NOTCH2: variants seen among roughly 807,000 people sequenced by gnomAD.
NOTCH2 encodes notch receptor 2.
In NOTCH2, 29 loss-of-function variants were observed where a neutral mutation model predicts 235.8. The ratio of observed to expected loss-of-function variants is 0.12; its 90% confidence interval spans 0.09 to 0.17. The LOEUF is 0.17. Ranked by LOEUF, NOTCH2 falls within the 10% of genes least tolerant of loss-of-function variation. The pLI is 1.00. For synonymous variants in NOTCH2, 1,086 were observed against 1,141.5 expected (o/e 0.95, Z 0.98); for missense variants, 2,285 against 3,150.2 (o/e 0.73, Z 6.57).
At chr1:120,000,451 G>A (rs1464858247) in intron 3 of NOTCH2, among the ~76,000 whole-genome samples, 6 of 147,120 alleles carry the variant, frequency 4.1e-5, no homozygotes, top group South Asian at 2.2e-4. Context: ...GAAGAATGGC[G>A]TGAACCCGGG....
At chr1:119,975,271 T>C (rs1651526724) in intron 5 of NOTCH2, among the ~76,000 whole-genome samples, 1 of 152,176 alleles carries the variant, frequency 6.6e-6, no homozygotes, top group Non-Finnish European at 1.5e-5. Flanking sequence ...TATACTGTTT[T>C]GGTTTTGCAG....
intron 14 of NOTCH2, 66 bp from the exon 15 acceptor site, chr1:119,950,903 A>G: frequency 9.8e-7 from 1 of 1,024,310 alleles, no homozygotes; most frequent in East Asian, 2.4e-5. Context: ...TTTCTAACCA[A>G]TTCTCTTTAG....
rs1649076823 is a variant in NOTCH2 at position 119,916,501 on chromosome 1, G to A, written c.6221C>T (p.Thr2074Ile). The A allele has an allele frequency of 1.2e-6, 2 of 1,612,476 alleles. No homozygotes were observed. The highest frequency in any genetic ancestry group is 4.5e-5 in the East Asian group (2 of 44,848). Reference sequence around the variant, plus strand: ...AGGTGAGAGAGCAGAAGTCAACACGGTGCCTGGAGGGCTTGGGGTCACATT... The same window carrying A: ...AGGTGAGAGAGCAGAAGTCAACACGATGCCTGGAGGGCTTGGGGTCACATT... Reference protein sequence around the residue: ...EYNVTPSPPGTVLTSALSPVI... With the variant: ...EYNVTPSPPGIVLTSALSPVI... The change falls in exon 34 of 34, where the codon ACC becomes ATC. Residue 2074 changes from threonine to isoleucine, a missense_variant. By Grantham distance (89) the Thr-to-Ile change is moderately conservative. Around this residue, in one of 6 missense-constraint regions of NOTCH2, gnomAD observed 504 missense variants for 538.0 expected, o/e 0.94. Transcript: ENST00000256646.
chr1:119,950,508 A>G, intron 15 of NOTCH2: 1 of 684,214 alleles, frequency 1.5e-6, no homozygotes, highest in South Asian at 1.5e-5. Flanking sequence ...ATACTAAAGT[A>G]CAATGTAGGC....
chr1:119,997,962 A>G (rs1482046694), intron 3 of NOTCH2, among the ~76,000 whole-genome samples: 1 of 145,460 alleles, frequency 6.9e-6, no homozygotes, highest in Non-Finnish European at 1.5e-5. Context: ...CGACACAGCA[A>G]GACTCTATTT....
At chr1:119,941,496 A>G (rs1201119538) in intron 18 of NOTCH2, 30 bp downstream of exon 18, 1 of 1,479,618 alleles carries the variant, frequency 6.8e-7, no homozygotes, top group Non-Finnish European at 9.4e-7. Flanking sequence ...CTCTCGTAAG[A>G]TGCTGATGCC....
chr1:120,027,091 A>C (rs1653884914), intron 2 of NOTCH2, among the ~76,000 whole-genome samples: 1 of 148,044 alleles, frequency 6.8e-6, no homozygotes, highest in African/African-American at 2.5e-5. Context: ...AACTGGGATT[A>C]CAGGTGCGTG....
At chr1:120,063,955 C>T (rs587654618) in intron 1 of NOTCH2, among the ~76,000 whole-genome samples, 142 of 152,280 alleles carry the variant, frequency 9.3e-4, no homozygotes, top group Non-Finnish European at 1.2e-3. Context: ...GATGCTTTAC[C>T]TGAGCAATCA....
At chr1:119,963,872 G>A in intron 10 of NOTCH2, 65 bp from the exon 11 acceptor site, 2 of 1,344,982 alleles carry the variant, frequency 1.5e-6, no homozygotes, top group South Asian at 1.2e-5. Context: ...CAGAACACAA[G>A]TGTAGCTACA....
intron 10 of NOTCH2, 122 bp from the exon 11 acceptor site, chr1:119,963,929 TC>T: frequency 2.3e-6 from 2 of 853,776 alleles, no homozygotes; most frequent in South Asian, 2.8e-5. Flanking sequence ...ATACTGCAGG[TC>T]TTGAGCAGTA....
chr1:119,928,989 AC>A lies in NOTCH2; in HGVS notation c.3878del (p.Arg1293LeufsTer22). On this transcript the variant is annotated frameshift_variant, in exon 23 of 34. Transcript: ENST00000256646. LOFTEE classifies it high-confidence loss of function. ...QLTNDYLCVC[R>X]SAFTGRHCET... ...AGAGCTTCTCACCAGTAAAGGCACTACGGCAAACACACAGGTAGTCATTGGT... is the reference window on the plus strand; with the variant it reads ...AGAGCTTCTCACCAGTAAAGGCACTAGGCAAACACACAGGTAGTCATTGGT... 6.2e-7 allele frequency: 1 copy of A among 1,614,142 alleles called. No homozygotes were observed. Among genetic ancestry groups the A allele is most frequent in the Non-Finnish European group, 8.5e-7 (1 of 1,179,976 alleles).
chr1:119,948,329 AGGCGGCAGCCTCCACT>A, intron 17 of NOTCH2, 69 bp downstream of exon 17: 1 of 1,479,556 alleles, frequency 6.8e-7, no homozygotes. Flanking sequence ...CAGGCGTGAA[AGGCGGCAGCCTCCACT>A]GGGCTCTCCT....
intron 17 of NOTCH2, among the ~76,000 whole-genome samples, chr1:119,943,718 A>G (rs1650150650): frequency 6.6e-6 from 1 of 152,214 alleles, no homozygotes; most frequent in Non-Finnish European, 1.5e-5. Context: ...AAATGAGTAG[A>G]AAAAATATGA....
intron 3 of NOTCH2, among the ~76,000 whole-genome samples, chr1:119,997,973 CA>C (rs4020948): frequency 0.011 from 1,338 of 117,438 alleles, 4 homozygotes; most frequent in Middle Eastern, 0.018. Context: ...GACTCTATTT[CA>C]AAAAAAAAAA....
chr1:120,012,083 T>C (rs1391969364), intron 2 of NOTCH2, among the ~76,000 whole-genome samples: 3 of 128,034 alleles, frequency 2.3e-5, no homozygotes, highest in African/African-American at 6.0e-5. Context: ...CCAAGTAGAC[T>C]CTAGAGTGCG....
In NOTCH2 at chr1:120,069,487, C is replaced by T. The variant is rs1655680096; in HGVS notation, c.-81G>A. The stretch of plus-strand genomic sequence containing the variant: ...GGGGAGGGGGTCCCGATAGAGGAGC[C>T]CCACTCTCTCCTCCCCTCCTCCTGC... On this transcript the variant is annotated 5_prime_UTR_variant, in exon 1 of 34. Transcript: ENST00000256646. 1.3e-6 allele frequency: 2 copies of T among 1,482,934 alleles called. No homozygotes were observed. The highest frequency in any genetic ancestry group is 1.5e-5 in the African/African-American group (1 of 68,010). The allele number at this position is 1,482,934 out of a possible 1,614,324, so 91.9% of individuals were successfully genotyped here. A position where few individuals can be genotyped will look rare whatever the true frequency, so the allele number is the denominator to read the frequency against.
At chr1:120,066,593 AAGCATATCCC>A (rs1655514753) in intron 1 of NOTCH2, among the ~76,000 whole-genome samples, 1 of 151,758 alleles carries the variant, frequency 6.6e-6, no homozygotes, top group Admixed American at 6.6e-5. Flanking sequence ...TGAACCATCC[AAGCATATCCC>A]ACTGAATTTA....
chr1:119,949,993 T>G (rs782282236), intron 15 of NOTCH2: 1 of 159,556 alleles, frequency 6.3e-6, no homozygotes, highest in African/African-American at 2.4e-5. Context: ...AATAAGCCAG[T>G]AGAAAACAAA....
intron 1 of NOTCH2, among the ~76,000 whole-genome samples, chr1:120,042,745 TAA>T (rs1373797763): frequency 1.3e-5 from 2 of 151,962 alleles, no homozygotes; most frequent in Non-Finnish European, 2.9e-5. Flanking sequence ...TGTTACCACA[TAA>T]AGTTTCAAAT....
Sources: gnomAD v4.1 joint callset for allele counts (sites outside exome capture counted in the v4.1 genomes callset) on GRCh38, gnomAD v4.1.1 for gene constraint, gnomAD v4.1.1 regional missense constraint, MANE v1.5 for transcripts, NCBI Gene and HGNC (gene_info 2026-07-23, HGNC 2026-07-21) for gene names.